SPAST: variants seen among roughly 807,000 people sequenced by gnomAD.
SPAST encodes spastin.
Under a neutral mutation model 76.6 loss-of-function variants are expected in SPAST, and 30 were observed. The observed-to-expected ratio is 0.39, with a 90% CI of 0.29 to 0.53. The LOEUF (loss-of-function observed/expected upper bound fraction) is 0.53. SPAST is among the 20% of genes least tolerant of loss of function. SPAST has a pLI of 0.68. For missense variants in SPAST, 717 were observed against 770.5 expected (o/e 0.93, Z 0.82); for synonymous variants, 305 against 281.0 (o/e 1.09, Z -0.86).
intron 1 of SPAST, chr2:32,077,722 T>A (rs1026527822): frequency 1.3e-5 from 2 of 152,222 alleles, no homozygotes; most frequent in African/African-American, 4.8e-5. Flanking sequence ...TGGGTCTCAC[T>A]AATATTTGAA....
chr2:32,098,328 G>A (rs1321165692), intron 3 of SPAST, among the ~76,000 whole-genome samples: 2 of 151,982 alleles, frequency 1.3e-5, no homozygotes, highest in African/African-American at 2.4e-5. Context: ...TGGGCATAGT[G>A]GTGTCTGTAT....
At chr2:32,081,245 C>G (rs948912291) in intron 1 of SPAST, among the ~76,000 whole-genome samples, 3 of 152,112 alleles carry the variant, frequency 2.0e-5, no homozygotes, top group Admixed American at 6.6e-5. Context: ...GCGTGAGCCA[C>G]CTCACCTGGC....
At chr2:32,129,328 ATCC>A (rs1679296009) in intron 9 of SPAST, 1 of 151,828 alleles carries the variant, frequency 6.6e-6, no homozygotes, top group Non-Finnish European at 1.5e-5. Context: ...GGCTTAAGCA[ATCC>A]TCCTGCCTCG....
intron 4 of SPAST, among the ~76,000 whole-genome samples, chr2:32,107,204 T>G (rs938601462): frequency 6.6e-6 from 1 of 152,058 alleles, no homozygotes; most frequent in African/African-American, 2.4e-5. Context: ...ATCCCTAATA[T>G]GAAATCTGAA....
intron 16 of SPAST, among the ~76,000 whole-genome samples, chr2:32,152,372 A>G (rs1192728228): frequency 4.6e-5 from 7 of 152,130 alleles, no homozygotes. Context: ...ATTCGAGACC[A>G]GCCTGGATAA....
intron 1 of SPAST, among the ~76,000 whole-genome samples, chr2:32,070,004 T>C (rs951994290): frequency 1.3e-5 from 2 of 151,918 alleles, no homozygotes; most frequent in Non-Finnish European, 2.9e-5. Context: ...CGTGTAAATG[T>C]GTTTTATATG....
At chr2:32,116,828 T>C (rs1678852936) in intron 7 of SPAST, among the ~76,000 whole-genome samples, 1 of 152,030 alleles carries the variant, frequency 6.6e-6, no homozygotes, top group African/African-American at 2.4e-5. Context: ...ATTAGCCTAG[T>C]GTGGGGGCGC....
At chr2:32,088,271 G>A (rs1269376921) in intron 2 of SPAST, among the ~76,000 whole-genome samples, 1 of 152,180 alleles carries the variant, frequency 6.6e-6, no homozygotes, top group African/African-American at 2.4e-5. Context: ...GGCCTCAAGT[G>A]ATCCTCCTGC....
At position 32,115,732 on chromosome 2, in the gene SPAST, CCTT is replaced by C. The variant is rs1330580691; in HGVS notation, c.904_906del (p.Ser302del). ...TCCGAAAACAAATAGGACAAATAAACCTTCTACCCCTACAACTGCTACTCGTAA... is the reference window on the plus strand; with the variant it reads ...TCCGAAAACAAATAGGACAAATAAACCTACCCCTACAACTGCTACTCGTAA... On this transcript the variant is annotated inframe_deletion, in exon 6 of 17. Transcript: ENST00000315285. The C allele has an allele frequency of 1.2e-6, 2 of 1,610,880 alleles. No individual in the cohort carries two copies. Among genetic ancestry groups the C allele is most frequent in the African/African-American group, 1.3e-5 (1 of 74,960 alleles).
chr2:32,145,128 G>A, intron 15 of SPAST, 121 bp downstream of exon 15: 1 of 701,646 alleles, frequency 1.4e-6, no homozygotes, highest in Non-Finnish European at 2.5e-6. Flanking sequence ...GTCTCACTCT[G>A]TTGCCCAGGC....
chr2:32,121,742 C>G (rs1679028246), intron 7 of SPAST, among the ~76,000 whole-genome samples: 1 of 151,386 alleles, frequency 6.6e-6, no homozygotes, highest in African/African-American at 2.4e-5. Context: ...CGGAGTTTCA[C>G]CATGTTGGCC....
intron 1 of SPAST, among the ~76,000 whole-genome samples, chr2:32,076,636 T>A (rs560302556): frequency 6.6e-6 from 1 of 152,322 alleles, no homozygotes; most frequent in South Asian, 2.1e-4. Flanking sequence ...TAATGCTTTG[T>A]GGTCCATGTA....
At chr2:32,070,628 T>C (rs1475925247) in intron 1 of SPAST, among the ~76,000 whole-genome samples, 1 of 152,202 alleles carries the variant, frequency 6.6e-6, no homozygotes, top group African/African-American at 2.4e-5. Flanking sequence ...TACATACGTA[T>C]ATATGTACAT....
At chr2:32,081,423 C>T (rs1310319784) in intron 1 of SPAST, among the ~76,000 whole-genome samples, 1 of 152,168 alleles carries the variant, frequency 6.6e-6, no homozygotes, top group Non-Finnish European at 1.5e-5. Context: ...TTCATTCATT[C>T]AGGGTCCCAG....
chr2:32,128,375 C>G (rs558163474), intron 8 of SPAST, 33 bp from the exon 9 acceptor site: 1 of 1,403,994 alleles, frequency 7.1e-7, no homozygotes, highest in East Asian at 2.3e-5. Flanking sequence ...ATATATTGAA[C>G]TAATTTAATA....
At chr2:32,086,687 G>C (rs1369258560) in intron 1 of SPAST, among the ~76,000 whole-genome samples, 1 of 151,958 alleles carries the variant, frequency 6.6e-6, no homozygotes, top group Non-Finnish European at 1.5e-5. Flanking sequence ...GAACCCGGGA[G>C]GGGGAGGTTG....
intron 10 of SPAST, 104 bp downstream of exon 10, chr2:32,136,742 A>C: frequency 7.9e-7 from 1 of 1,269,638 alleles, no homozygotes; most frequent in Non-Finnish European, 1.1e-6. Context: ...AGAAGTTTTA[A>C]AGAAGGGCAA....
intron 4 of SPAST, among the ~76,000 whole-genome samples, chr2:32,106,445 A>G (rs554062290): frequency 1.3e-5 from 2 of 152,102 alleles, no homozygotes; most frequent in African/African-American, 2.4e-5. Context: ...AGCTCACACT[A>G]TGTGGGCTGC....
At chr2:32,152,193 G>A (rs1417145896) in intron 16 of SPAST, among the ~76,000 whole-genome samples, 2 of 151,940 alleles carry the variant, frequency 1.3e-5, no homozygotes, top group African/African-American at 2.4e-5. Flanking sequence ...AGTCTCTTAC[G>A]TTAAAATATC....
Sources: allele counts gnomAD v4.1 joint callset (sites outside exome capture counted in the v4.1 genomes callset), GRCh38; gene constraint gnomAD v4.1.1; transcripts MANE v1.5; gene names NCBI Gene and HGNC (gene_info 2026-07-23, HGNC 2026-07-21).